The following CLXN variants were observed in gnomAD, a reference collection of about 807,000 sequenced individuals.
CLXN encodes EF-hand calcium binding domain 1.
the CLXN span, among the ~76,000 whole-genome samples, chr8:48,717,993 T>TTA: frequency 6.6e-6 from 1 of 152,156 alleles, no homozygotes; most frequent in Non-Finnish European, 1.5e-5. Flanking sequence ...TTATTAATGG[T>TTA]TGCTTTAAAT....
At chr8:48,713,570 T>A in the CLXN span, 1 of 151,980 alleles carries the variant, frequency 6.6e-6, no homozygotes, top group Admixed American at 6.6e-5. Flanking sequence ...TATAACTTTG[T>A]GGGGGGAGGC....
At chr8:48,728,972 T>G in the CLXN span, 5 of 1,132,946 alleles carry the variant, frequency 4.4e-6, no homozygotes, top group South Asian at 7.9e-5. Context: ...CCACTACCCA[T>G]TAAATCAAGA....
chr8:48,715,191 A>G, the CLXN span: 1 of 152,226 alleles, frequency 6.6e-6, no homozygotes, highest in Non-Finnish European at 1.5e-5. Flanking sequence ...AATTTCCTAA[A>G]TATCTGAAAT....
At chr8:48,720,087 C>A in the CLXN span, among the ~76,000 whole-genome samples, 1 of 152,150 alleles carries the variant, frequency 6.6e-6, no homozygotes, top group Non-Finnish European at 1.5e-5. Flanking sequence ...ATCTCTTAAT[C>A]CTGTTATCTT....
chr8:48,726,112 CTCCATCCATCCATCCATCCATCCA>C, the CLXN span, among the ~76,000 whole-genome samples: 2 of 111,490 alleles, frequency 1.8e-5, no homozygotes, highest in South Asian at 3.5e-4. Flanking sequence ...TACCCACCCA[CTCCATCCATCCATCCATCCATCCA>C]TCCATCCATC....
At chr8:48,713,570 T>G in the CLXN span, 1 of 151,980 alleles carries the variant, frequency 6.6e-6, no homozygotes, top group African/African-American at 2.4e-5. Flanking sequence ...TATAACTTTG[T>G]GGGGGGAGGC....
the CLXN span, among the ~76,000 whole-genome samples, chr8:48,721,014 G>T: frequency 1.3e-5 from 2 of 152,086 alleles, no homozygotes; most frequent in Non-Finnish European, 2.9e-5. Context: ...CCTCCATTTT[G>T]AAACATCATC....
the CLXN span, chr8:48,731,568 G>C: frequency 7.2e-7 from 1 of 1,395,434 alleles, no homozygotes; most frequent in Non-Finnish European, 9.5e-7. Flanking sequence ...CTTAAATTTT[G>C]CAATAAGTTT....
chr8:48,729,843 A>T, the CLXN span: 1 of 1,613,118 alleles, frequency 6.2e-7, no homozygotes, highest in Non-Finnish European at 8.5e-7. Context: ...TGAATCCGTC[A>T]CCATTCAAAT....
the CLXN span, among the ~76,000 whole-genome samples, chr8:48,726,802 TCATCCATC>T: frequency 7.9e-6 from 1 of 126,586 alleles, no homozygotes; most frequent in African/African-American, 3.0e-5. Context: ...ACCCAGTTCA[TCATCCATC>T]CATCCATCCA....
chr8:48,722,817 G>T, the CLXN span, among the ~76,000 whole-genome samples: 1 of 151,876 alleles, frequency 6.6e-6, no homozygotes, highest in Non-Finnish European at 1.5e-5. Context: ...CCTTTAAAAA[G>T]AAGGAAATTA....
chr8:48,735,261 C>T, the CLXN span: 3 of 1,235,494 alleles, frequency 2.4e-6, no homozygotes, highest in African/African-American at 4.5e-5. Context: ...GGTGAGGTCT[C>T]AGTTACTGAT....
At chr8:48,731,591 C>T in the CLXN span, 19 of 1,086,516 alleles carry the variant, frequency 1.7e-5, no homozygotes, top group South Asian at 1.7e-4. Context: ...AGACAAACAA[C>T]GTCAAAGACA....
chr8:48,731,659 C>T, the CLXN span, among the ~76,000 whole-genome samples: 1 of 151,882 alleles, frequency 6.6e-6, no homozygotes, highest in South Asian at 2.1e-4. Flanking sequence ...GAACCCTTAA[C>T]TTAATAGAAA....
At chr8:48,728,449 C>A in the CLXN span, among the ~76,000 whole-genome samples, 1 of 152,096 alleles carries the variant, frequency 6.6e-6, no homozygotes, top group Non-Finnish European at 1.5e-5. Context: ...GTTTAGATGA[C>A]CTCTTCTCAA....
At chr8:48,715,692 T>G in the CLXN span, 1 of 152,208 alleles carries the variant, frequency 6.6e-6, no homozygotes, top group African/African-American at 2.4e-5. Flanking sequence ...CCAAGATGTA[T>G]CCACCTGGAG....
At chr8:48,715,344 G>T in the CLXN span, 1 of 152,168 alleles carries the variant, frequency 6.6e-6, no homozygotes, top group Admixed American at 6.5e-5. Flanking sequence ...ACAGCTACTT[G>T]CCAACAAAAA....
At chr8:48,730,507 T>C in the CLXN span, 3 of 1,400,444 alleles carry the variant, frequency 2.1e-6, no homozygotes, top group Non-Finnish European at 3.0e-6. Context: ...TTATTCATAA[T>C]GTACGAACCA....
chr8:48,735,304 A>G, the CLXN span: 13 of 827,802 alleles, frequency 1.6e-5, no homozygotes, highest in Non-Finnish European at 2.3e-5. Flanking sequence ...GGTGTAGCCA[A>G]GGCAACGGCT....
Sources: gnomAD v4.1 joint callset for allele counts (sites outside exome capture counted in the v4.1 genomes callset) on GRCh38, gnomAD v4.1.1 for gene constraint, MANE v1.5 for transcripts, NCBI Gene and HGNC (gene_info 2026-07-23, HGNC 2026-07-21) for gene names.